Variants in JARID2 observed in about 807,000 individuals in gnomAD.
The protein encoded by JARID2 is protein Jumonji.
JARID2 carries 21 observed loss-of-function variants against 125.6 expected under a neutral mutation model. That is an observed-to-expected ratio of 0.17 (90% CI 0.12 to 0.24). JARID2 has a LOEUF of 0.24. JARID2 is among the 10% of genes least tolerant of loss of function. The pLI, the probability that JARID2 is intolerant of heterozygous loss-of-function variation, is 1.00. For missense variants in JARID2, 1,303 were observed against 1,639.6 expected (o/e 0.79, Z 3.55); for synonymous variants, 736 against 661.6 (o/e 1.11, Z -1.73).
intron 1 of JARID2, 44 bp downstream of exon 1, chr6:15,246,628 C>T (rs1367524297): frequency 1.3e-6 from 2 of 1,490,654 alleles, no homozygotes; most frequent in Non-Finnish European, 1.9e-6. Context: ...CAGTTTTAAG[C>T]AATGGCTGTG....
rs902637812 is a variant in JARID2 at position 15,285,328 on chromosome 6, T to A, written c.45+38744T>A. Among the ~76,000 whole-genome samples the A allele has an allele frequency of 5.3e-5, 8 of 152,096 alleles. No homozygotes were observed. In the East Asian group the frequency reaches 1.5e-3, roughly 29 times the overall value. ...TTAGTAGAGACTGGGTTTTACCATG[T>A]TGGCCAGGCTGGTCTCCAACTGCTA... On this transcript the variant is annotated intron_variant, in intron 1 of 17. Transcript: ENST00000341776.
rs1270273369 is a variant in JARID2, at chr6:15,450,588, C to G, written c.324-1418C>G. Among the ~76,000 whole-genome samples the G allele has an allele frequency of 4.6e-5, 7 of 152,074 alleles. No homozygotes were observed. In the East Asian group the frequency reaches 1.3e-3, roughly 29 times the overall value. On this transcript the variant is annotated intron_variant, in intron 3 of 17. Transcript: ENST00000341776. ...TGTACTGTGTGGCTGTTTCTTGGTTCTTTTTGTTGTTGTTTTCCTGCCCTC... is the reference window on the plus strand; with the variant it reads ...TGTACTGTGTGGCTGTTTCTTGGTTGTTTTTGTTGTTGTTTTCCTGCCCTC...
At chr6:15,370,786 C>T (rs180850171) in intron 1 of JARID2, among the ~76,000 whole-genome samples, 5 of 152,258 alleles carry the variant, frequency 3.3e-5, no homozygotes, top group Admixed American at 1.3e-4. Context: ...TGCAGGCACA[C>T]CTTTGCTGTC....
At chr6:15,447,917 A>G (rs1379090526) in intron 3 of JARID2, among the ~76,000 whole-genome samples, 2 of 152,068 alleles carry the variant, frequency 1.3e-5, no homozygotes, top group Admixed American at 6.5e-5. Context: ...CCATTTTCCT[A>G]TATCCAGCAT....
chr6:15,274,164 A>T (rs779228993), intron 1 of JARID2, among the ~76,000 whole-genome samples: 1 of 152,122 alleles, frequency 6.6e-6, no homozygotes, highest in Non-Finnish European at 1.5e-5. Context: ...TCCTCACCTC[A>T]GGTGATCCTC....
In JARID2 at chr6:15,358,974, G is replaced by A. The variant is rs150709584; in HGVS notation, c.46-15143G>A. 6.9e-3 allele frequency among the ~76,000 whole-genome samples: 1,055 copies of A among 152,336 alleles called. 3 individuals carry two copies. The highest frequency in any genetic ancestry group is 0.019 in the South Asian group (94 of 4,832). On this transcript the variant is annotated intron_variant, in intron 1 of 17. Transcript: ENST00000341776. ...GAAGTCATTAAGTGGTTTCCAGGGC[G>A]GCCATGCCTGACCACTAGTATTCTA...
At chr6:15,411,340 A>G (rs1466298395) in intron 3 of JARID2, among the ~76,000 whole-genome samples, 2 of 152,130 alleles carry the variant, frequency 1.3e-5, no homozygotes, top group Non-Finnish European at 2.9e-5. Context: ...GATATTTAAG[A>G]TTCCTGTTTT....
intron 1 of JARID2, among the ~76,000 whole-genome samples, chr6:15,270,818 G>C (rs1581349395): frequency 6.6e-6 from 1 of 152,090 alleles, no homozygotes; most frequent in Non-Finnish European, 1.5e-5. Flanking sequence ...GTGCACACCT[G>C]TAATCCCAGG....
intron 9 of JARID2, 22 bp downstream of exon 9, chr6:15,504,614 G>A (rs201974507): frequency 3.2e-5 from 48 of 1,517,008 alleles, no homozygotes; most frequent in Middle Eastern, 3.4e-4. Context: ...GGCCCCTCAC[G>A]CTGCCTCTCA....
intron 1 of JARID2, among the ~76,000 whole-genome samples, chr6:15,255,273 T>A (rs1759619633): frequency 6.6e-6 from 1 of 151,762 alleles, no homozygotes; most frequent in Non-Finnish European, 1.5e-5. Context: ...CCCAGCTAAT[T>A]TTTGTATTTT....
chr6:15,309,494 A>C (rs1291038415), intron 1 of JARID2, among the ~76,000 whole-genome samples: 1 of 152,148 alleles, frequency 6.6e-6, no homozygotes, highest in Admixed American at 6.6e-5. Flanking sequence ...AAATTATGGA[A>C]CGTCTGTTCC....
chr6:15,477,054 A>G (rs1769377349), intron 5 of JARID2, among the ~76,000 whole-genome samples: 1 of 151,900 alleles, frequency 6.6e-6, no homozygotes, highest in Non-Finnish European at 1.5e-5. Flanking sequence ...AAGGAAGAAG[A>G]GTGGCTGTTG....
At chr6:15,488,385 C>T (rs1769985962) in intron 6 of JARID2, among the ~76,000 whole-genome samples, 1 of 152,198 alleles carries the variant, frequency 6.6e-6, no homozygotes, top group South Asian at 2.1e-4. Context: ...TGCTCCTGTT[C>T]CCCCCTCCAT....
chr6:15,508,667 C>T (rs1771123106), intron 12 of JARID2, among the ~76,000 whole-genome samples: 1 of 152,230 alleles, frequency 6.6e-6, no homozygotes, highest in Non-Finnish European at 1.5e-5. Context: ...AATGTTGTAA[C>T]ACTGTCTGAT....
At chr6:15,277,238 G>T (rs1251475178) in intron 1 of JARID2, among the ~76,000 whole-genome samples, 1 of 152,190 alleles carries the variant, frequency 6.6e-6, no homozygotes, top group Non-Finnish European at 1.5e-5. Context: ...GGTGGCTGGA[G>T]TATATGCAGG....
chr6:15,438,370 A>G (rs1767302813), intron 3 of JARID2, among the ~76,000 whole-genome samples: 1 of 152,192 alleles, frequency 6.6e-6, no homozygotes, highest in East Asian at 1.9e-4. Flanking sequence ...CTTTATGAAC[A>G]TGATTCTGCA....
At chr6:15,274,902 G>A (rs1337296079) in intron 1 of JARID2, among the ~76,000 whole-genome samples, 2 of 152,156 alleles carry the variant, frequency 1.3e-5, no homozygotes, top group Non-Finnish European at 2.9e-5. Flanking sequence ...GAAAGAAGCT[G>A]GTCAGCCTTC....
intron 1 of JARID2, among the ~76,000 whole-genome samples, chr6:15,269,777 A>G (rs185701329): frequency 1.3e-5 from 2 of 152,244 alleles, no homozygotes; most frequent in East Asian, 3.9e-4. Context: ...GTATGTCTGC[A>G]GTGTTTTTAC....
At chr6:15,434,645 G>C (rs1767125002) in intron 3 of JARID2, among the ~76,000 whole-genome samples, 2 of 152,152 alleles carry the variant, frequency 1.3e-5, no homozygotes, top group South Asian at 4.1e-4. Flanking sequence ...TATTTTGATA[G>C]AATGTTATTG....
Sources: allele counts gnomAD v4.1 joint callset (sites outside exome capture counted in the v4.1 genomes callset), GRCh38; gene constraint gnomAD v4.1.1; transcripts MANE v1.5; gene names NCBI Gene and HGNC (gene_info 2026-07-23, HGNC 2026-07-21).